SP100: variants seen among roughly 807,000 people sequenced by gnomAD.
The protein encoded by SP100 is SP100 nuclear body protein.
In SP100, 84 loss-of-function variants were observed where a neutral mutation model predicts 130.0. The ratio of observed to expected loss-of-function variants is 0.65; its 90% CI spans 0.54 to 0.77. The LOEUF (loss-of-function observed/expected upper bound fraction) is 0.77. Ranked by LOEUF, SP100 falls within the 30% of genes least tolerant of loss-of-function variation. The pLI is 0.00. For synonymous variants in SP100, 331 were observed against 351.7 expected (o/e 0.94, Z 0.66); for missense variants, 978 against 1,052.2 (o/e 0.93, Z 0.97).
chr2:230,455,842 C>CTA (rs1161190870), intron 8 of SP100, among the ~76,000 whole-genome samples: 1 of 152,118 alleles, frequency 6.6e-6, no homozygotes, highest in Non-Finnish European at 1.5e-5. Flanking sequence ...TTATAACAGG[C>CTA]TATTTTAAGC....
chr2:230,449,655 T>C lies in SP100; in HGVS notation c.681T>C (p.Asp227=), dbSNP rs752569456. Residue 227 remains aspartate, a synonymous_variant, in exon 7 of 29, where the codon GAT becomes GAC. Transcript: ENST00000340126. ...AAGATACAACCAGTGACAAAGATGA[T>C]TCGCTAGGAAGCCAACAAACAAATG... The part of the protein sequence containing the change: ...KRKDTTSDKD[D]SLGSQQTNEQ... The C allele has an allele frequency of 4.3e-6, 7 of 1,614,132 alleles. No individual in the cohort carries two copies. Among genetic ancestry groups the C allele is most frequent in the Non-Finnish European group, 5.9e-6 (7 of 1,180,010 alleles).
chr2:230,457,573 C>T (rs1215283987), intron 8 of SP100, among the ~76,000 whole-genome samples: 1 of 152,178 alleles, frequency 6.6e-6, no homozygotes, highest in African/African-American at 2.4e-5. Flanking sequence ...TGCTCACTTC[C>T]TTCTCCTTTC....
intron 18 of SP100, among the ~76,000 whole-genome samples, chr2:230,498,230 GT>G (rs2066806594): frequency 6.6e-6 from 1 of 152,208 alleles, no homozygotes; most frequent in South Asian, 2.1e-4. Flanking sequence ...TAAAATTAAT[GT>G]TGGGGGGAGG....
At chr2:230,516,978 TAATC>T (rs1690948253) in intron 24 of SP100, among the ~76,000 whole-genome samples, 1 of 152,186 alleles carries the variant, frequency 6.6e-6, no homozygotes, top group African/African-American at 2.4e-5. Flanking sequence ...AGAAAAGACT[TAATC>T]AAAATTATGA....
chr2:230,535,151 G>A (rs988125846), intron 24 of SP100, among the ~76,000 whole-genome samples: 7 of 151,772 alleles, frequency 4.6e-5, no homozygotes, highest in African/African-American at 1.7e-4. Flanking sequence ...AGCCGAGATT[G>A]TGCCACTGCA....
intron 17 of SP100, among the ~76,000 whole-genome samples, chr2:230,479,899 AG>A (rs2065753025): frequency 6.6e-6 from 1 of 152,230 alleles, no homozygotes; most frequent in Admixed American, 6.5e-5. Flanking sequence ...TAGTCTTTCT[AG>A]AGCATGATTT....
Position 230,474,933 on chromosome 2 carries a change from G to A in SP100, c.1600+486G>A, listed in dbSNP as rs2065465035. Among the ~76,000 whole-genome samples, 3 of 151,668 alleles carry A rather than the reference G, an allele frequency of 2.0e-5. No homozygotes were observed. The South Asian group carries it at 6.3e-4, about 32-fold the overall frequency. On this transcript the variant is annotated intron_variant, in intron 17 of 28. Transcript: ENST00000340126. ...CCACATTTTCTTTATCCAATTCACT[G>A]TTGATGGGCAACTAGATTGGTTCCG... is the stretch of plus-strand genomic sequence containing the variant.
rs1196844249 is a variant in SP100 at position 230,489,368 on chromosome 2, T to A, written c.1601-5048T>A. Among the ~76,000 whole-genome samples, 13 of 152,168 alleles carry A rather than the reference T, an allele frequency of 8.5e-5. No individual in the cohort carries two copies. The East Asian group carries it at 2.3e-3, about 27-fold the overall frequency. On this transcript the variant is annotated intron_variant, in intron 17 of 28. Transcript: ENST00000340126. ...TATTTCTGTGGGGTCGGTGGTGATA[T>A]CCCCTTTATCTTTTTTTATTGTGTC...
At chr2:230,501,920 G>C (rs2067053614) in intron 19 of SP100, among the ~76,000 whole-genome samples, 1 of 152,122 alleles carries the variant, frequency 6.6e-6, no homozygotes, top group African/African-American at 2.4e-5. Flanking sequence ...CCAAGCTAGA[G>C]TACAGTGGCG....
intron 2 of SP100, among the ~76,000 whole-genome samples, chr2:230,420,078 C>T (rs1352950599): frequency 6.6e-6 from 1 of 152,150 alleles, no homozygotes; most frequent in Non-Finnish European, 1.5e-5. Flanking sequence ...TAAATCTCTC[C>T]ATTTATTCAT....
chr2:230,423,191 C>T (rs958458663), intron 2 of SP100, among the ~76,000 whole-genome samples: 3 of 152,130 alleles, frequency 2.0e-5, no homozygotes, highest in South Asian at 2.1e-4. Context: ...TGCATTTCTC[C>T]TGTTATTTTT....
intron 16 of SP100, 125 bp from the exon 17 acceptor site, chr2:230,474,269 G>A: frequency 1.6e-6 from 1 of 620,184 alleles, no homozygotes; most frequent in Non-Finnish European, 2.9e-6. Context: ...TTGGAAGGAA[G>A]ACAGATAAAT....
chr2:230,469,932 G>C lies in SP100; in HGVS notation c.1346-83G>C. 2.0e-6 allele frequency: 3 copies of C among 1,525,716 alleles called. No homozygotes were observed. In the South Asian group the frequency reaches 3.7e-5, roughly 19 times the overall value. 94.5% of individuals were successfully genotyped at this position (1,525,716 alleles called of 1,614,324 possible). ...TCCCCCTCCTCCACAAGCTTCTCTT[G>C]TTCAGTTTTGCTTTTAAAGAATTCC... On this transcript the variant is annotated intron_variant, in intron 14 of 28. Coordinates refer to ENST00000340126, the MANE Select transcript of SP100 (RefSeq NM_001080391.2).
At position 230,461,416 on chromosome 2, in the gene SP100, T is replaced by C; in HGVS notation, c.973+2T>C. 6.2e-7 allele frequency: 1 copy of C among 1,613,956 alleles called. No homozygotes were observed. The highest frequency in any genetic ancestry group is 2.2e-5 in the East Asian group (1 of 44,892). On this transcript the variant is annotated splice_donor_variant, in intron 9 of 28. Transcript: ENST00000340126. LOFTEE classifies it high-confidence loss of function. ...ATAACCAGGCATCTGACATAATAGG[T>C]AAGGCTGACTGGGAGAGTTTGTAAC...
intron 22 of SP100, 118 bp downstream of exon 22, chr2:230,506,563 T>A: frequency 1.0e-6 from 1 of 969,798 alleles, no homozygotes; most frequent in Middle Eastern, 2.3e-4. Flanking sequence ...TGCCCAGGTC[T>A]CCATGCATAT....
chr2:230,449,289 T>A, intron 6 of SP100, 139 bp downstream of exon 6: 1 of 926,976 alleles, frequency 1.1e-6, no homozygotes, highest in Non-Finnish European at 1.8e-6. Flanking sequence ...TTCTGGGATT[T>A]AAATAACAAG....
At chr2:230,539,127 C>T (rs1692065456) in intron 24 of SP100, 140 bp from the exon 25 acceptor site, 1 of 554,222 alleles carries the variant, frequency 1.8e-6, no homozygotes, top group South Asian at 2.4e-5. Context: ...ACCAAAATGT[C>T]TTCTGAGATC....
chr2:230,502,264 C>A (rs1338103660), intron 19 of SP100, among the ~76,000 whole-genome samples: 1 of 152,126 alleles, frequency 6.6e-6, no homozygotes, highest in Non-Finnish European at 1.5e-5. Context: ...TCTACAAGTT[C>A]CTCTTGAATA....
chr2:230,464,634 C>T (rs994207650), intron 11 of SP100, among the ~76,000 whole-genome samples: 4 of 152,192 alleles, frequency 2.6e-5, no homozygotes, highest in African/African-American at 7.2e-5. Context: ...ACTTCAACTA[C>T]ACCCAAACCC....
Sources: allele counts gnomAD v4.1 joint callset (sites outside exome capture counted in the v4.1 genomes callset), GRCh38; gene constraint gnomAD v4.1.1; transcripts MANE v1.5; gene names NCBI Gene and HGNC (gene_info 2026-07-23, HGNC 2026-07-21).